RAD21L1: variants seen among roughly 807,000 people sequenced by gnomAD.
RAD21L1 encodes RAD21 cohesin complex component like 1.
In RAD21L1, 47 loss-of-function variants were observed where a neutral mutation model predicts 69.0. That is an observed-to-expected ratio of 0.68 (90% CI 0.54 to 0.87). RAD21L1 has a LOEUF of 0.87. RAD21L1 is among the 40% of genes least tolerant of loss of function. RAD21L1 has a pLI of 0.00. For synonymous variants in RAD21L1, 177 were observed against 205.8 expected (o/e 0.86, Z 1.20); for missense variants, 583 against 647.6 (o/e 0.90, Z 1.08).
intron 4 of RAD21L1, among the ~76,000 whole-genome samples, chr20:1,232,224 C>A (rs1600216542): frequency 6.6e-6 from 1 of 152,090 alleles, no homozygotes; most frequent in South Asian, 2.1e-4. Flanking sequence ...AAATGAGAGG[C>A]TGAGTGGTAG....
rs141716093 is a variant in RAD21L1 at position 1,244,879 on chromosome 20, C to A, written c.1308+709C>A. ...AGTCAACCCATGTTGAAACTGAATG[C>A]CCTTGGAAGGAAAGACAATTTCACA... On this transcript the variant is annotated intron_variant, in intron 11 of 13. Transcript: ENST00000683101. Among the ~76,000 whole-genome samples, 978 of 152,160 alleles carry A rather than the reference C, an allele frequency of 6.4e-3. 16 individuals are homozygous for A. The highest frequency in any genetic ancestry group is 0.022 in the African/African-American group (918 of 41,510).
At chr20:1,251,879 T>C (rs1229908632) in intron 13 of RAD21L1, among the ~76,000 whole-genome samples, 1 of 152,208 alleles carries the variant, frequency 6.6e-6, no homozygotes, top group East Asian at 1.9e-4. Context: ...ATGATTAACA[T>C]GCAGTAAACT....
chr20:1,244,307 A>C (rs940733146), intron 11 of RAD21L1, 137 bp downstream of exon 11: 1 of 630,740 alleles, frequency 1.6e-6, no homozygotes, highest in African/African-American at 1.9e-5. Context: ...TTGTTTAGTA[A>C]GTAGCAGGGT....
intron 5 of RAD21L1, 73 bp from the exon 6 acceptor site, chr20:1,237,971 A>T (rs1337699225): frequency 1.3e-6 from 1 of 747,694 alleles, no homozygotes; most frequent in African/African-American, 1.7e-5. Flanking sequence ...ATGCTAGATG[A>T]TATCTGAATT....
intron 1 of RAD21L1, among the ~76,000 whole-genome samples, chr20:1,226,762 G>A (rs952409299): frequency 6.6e-6 from 1 of 152,198 alleles, no homozygotes; most frequent in Non-Finnish European, 1.5e-5. Context: ...GGGAGGGTGC[G>A]GGGGGAGTTT....
intron 2 of RAD21L1, among the ~76,000 whole-genome samples, chr20:1,229,470 G>A (rs1212767948): frequency 6.6e-6 from 1 of 152,112 alleles, no homozygotes; most frequent in Non-Finnish European, 1.5e-5. Context: ...AGCCAAGATT[G>A]CGCCACTGCA....
rs528506913 is a variant in RAD21L1, at chr20:1,254,575, A to G, written c.*118A>G. On this transcript the variant is annotated 3_prime_UTR_variant, in exon 14 of 14. Transcript: ENST00000683101. ...TCTGATCCATTTCATAGATAGGCTGACCTACTTCCTCTCTGTAGTTCAGAA... is the reference window on the plus strand; with the variant it reads ...TCTGATCCATTTCATAGATAGGCTGGCCTACTTCCTCTCTGTAGTTCAGAA... The G allele has an allele frequency of 1.8e-6, 1 of 560,622 alleles. No individual in the cohort carries two copies. Among genetic ancestry groups the G allele is most frequent in the East Asian group, 3.1e-5 (1 of 32,330 alleles). 34.7% of individuals were successfully genotyped at this position (560,622 alleles called of 1,614,324 possible). A position where few individuals can be genotyped will look rare whatever the true frequency, so the allele number is the denominator to read the frequency against.
At chr20:1,235,982 G>A (rs546338628) in intron 5 of RAD21L1, among the ~76,000 whole-genome samples, 1 of 152,138 alleles carries the variant, frequency 6.6e-6, no homozygotes, top group African/African-American at 2.4e-5. Flanking sequence ...TGGCCAGGCT[G>A]GTTTTGAACT....
intron 3 of RAD21L1, chr20:1,230,914 T>A (rs564686611): frequency 5.9e-6 from 1 of 170,194 alleles, no homozygotes; most frequent in East Asian, 1.9e-4. Flanking sequence ...TTCAGTCAGG[T>A]GAGGAAATCA....
At position 1,246,230 on chromosome 20, in the gene RAD21L1, G is replaced by A. The variant is rs371546451; in HGVS notation, c.1326G>A (p.Val442=). The A allele has an allele frequency of 3.2e-6, 5 of 1,538,932 alleles. No individual in the cohort carries two copies. The highest frequency in any genetic ancestry group is 4.4e-6 in the Non-Finnish European group (5 of 1,141,892). The change falls in exon 12 of 14, where the codon GTG becomes GTA. Residue 442 remains valine, a synonymous_variant. Coordinates refer to ENST00000683101, the MANE Select transcript of RAD21L1 (RefSeq NM_001384355.1). This position sits in a 1 kb window ranked among gnomAD's most constrained non-coding sequence, Gnocchi z 4.6. Reference sequence around the variant, plus strand: ...TTCAGCAGGATATTGTTGAAATGGTGTCTTTAGCTGCTGAGGAATCATCTT... The same window carrying A: ...TTCAGCAGGATATTGTTGAAATGGTATCTTTAGCTGCTGAGGAATCATCTT... ...NINSEDIVEM[V]SLAAEESSLM...
chr20:1,242,782 G>C lies in RAD21L1; in HGVS notation c.1020G>C (p.Arg340Ser). 1.3e-6 allele frequency: 2 copies of C among 1,551,578 alleles called. No homozygotes were observed. Among genetic ancestry groups the C allele is most frequent in the Non-Finnish European group, 1.7e-6 (2 of 1,146,926 alleles). The change falls in exon 9 of 14, where the codon AGG becomes AGC. Residue 340 changes from arginine (R) to serine (S), a missense_variant. Arg to Ser is a moderately radical substitution (Grantham distance 110, BLOSUM62 -1). Coordinates refer to ENST00000683101, the MANE Select transcript of RAD21L1 (RefSeq NM_001384355.1). The part of the protein sequence containing the change: ...PTQRLMMWKK[R>S]GGVHTLLSTA... ...AAAGATTGATGATGTGGAAGAAGAG[G>C]GGAGGAGTGCATACACTTCTGTCAA...
chr20:1,253,278 G>C (rs944136811), intron 13 of RAD21L1, among the ~76,000 whole-genome samples: 1 of 152,162 alleles, frequency 6.6e-6, no homozygotes, highest in Non-Finnish European at 1.5e-5. Flanking sequence ...ACATTGGCCA[G>C]TATTCACTGC....
At chr20:1,238,017 T>G (rs1231103719) in intron 5 of RAD21L1, 27 bp from the exon 6 acceptor site, 1 of 1,237,018 alleles carries the variant, frequency 8.1e-7, no homozygotes. Flanking sequence ...TTCTATGAAT[T>G]AGTATTAATG....
At chr20:1,230,089 C>T (rs2087359741) in intron 3 of RAD21L1, 80 bp downstream of exon 3, 1 of 1,063,108 alleles carries the variant, frequency 9.4e-7, no homozygotes, top group African/African-American at 1.6e-5. Flanking sequence ...TAATATACTT[C>T]AGGCTAGTAT....
chr20:1,255,721 C>A lies in RAD21L1; in HGVS notation c.*1264C>A, dbSNP rs184656362. On this transcript the variant is annotated 3_prime_UTR_variant, in exon 14 of 14. Coordinates refer to ENST00000683101, the MANE Select transcript of RAD21L1 (RefSeq NM_001384355.1). ...CATCACCCTAAAAAATTCTGTTATC[C>A]CTTTGTAGTAACCCCCTTCCCCCAT... Among the ~76,000 whole-genome samples, 104 of 152,216 alleles carry A rather than the reference C, an allele frequency of 6.8e-4. No individual in the cohort carries two copies. Among genetic ancestry groups the A allele is most frequent in the African/African-American group, 2.4e-3 (98 of 41,536 alleles).
chr20:1,244,746 T>C (rs2087686162), intron 11 of RAD21L1, among the ~76,000 whole-genome samples: 1 of 152,180 alleles, frequency 6.6e-6, no homozygotes, highest in Non-Finnish European at 1.5e-5. Flanking sequence ...TGTTATTTTA[T>C]TGGTTGTACA....
chr20:1,229,935 A>G lies in RAD21L1; in HGVS notation c.200A>G (p.Tyr67Cys), dbSNP rs1335173524. 6.4e-7 allele frequency: 1 copy of G among 1,550,664 alleles called. No individual in the cohort carries two copies. The highest frequency in any genetic ancestry group is 1.2e-5 in the South Asian group (1 of 83,964). Residue 67 changes from tyrosine (Y) to cysteine (C), a missense_variant, in exon 3 of 14, where the codon TAT becomes TGT. Transcript: ENST00000683101. Reference sequence around the variant, plus strand: ...CTTCTTTTGGGAGTTGTTCGAATCTATAACAGGAAGGCAAAATATCTTTTG... The same window carrying G: ...CTTCTTTTGGGAGTTGTTCGAATCTGTAACAGGAAGGCAAAATATCTTTTG... ...GHLLLGVVRI[Y>C]NRKAKYLLAD...
chr20:1,232,393 A>G (rs561039183), intron 4 of RAD21L1, among the ~76,000 whole-genome samples: 183 of 152,312 alleles, frequency 1.2e-3, no homozygotes, highest in African/African-American at 4.3e-3. Flanking sequence ...TACTTACTCT[A>G]AGGGGAAAGG....
At chr20:1,244,556 T>C (rs905444263) in intron 11 of RAD21L1, among the ~76,000 whole-genome samples, 2 of 152,124 alleles carry the variant, frequency 1.3e-5, no homozygotes, top group African/African-American at 4.8e-5. Context: ...CACCCAAGTA[T>C]CTCTAAGAAT....
Sources: gnomAD v4.1 joint callset for allele counts (sites outside exome capture counted in the v4.1 genomes callset) on GRCh38, gnomAD v4.1.1 for gene constraint, Gnocchi (gnomAD v3.1) non-coding constraint, MANE v1.5 for transcripts, NCBI Gene and HGNC (gene_info 2026-07-23, HGNC 2026-07-21) for gene names.